FBXL17: variants seen among roughly 807,000 people sequenced by gnomAD.
The protein encoded by FBXL17 is F-box/LRR-repeat protein 17.
Under a neutral mutation model 66.2 loss-of-function variants are expected in FBXL17, and 22 were observed. The observed-to-expected ratio is 0.33, with a 90% CI of 0.24 to 0.47. FBXL17 has a LOEUF of 0.47. FBXL17 is among the 20% of genes least tolerant of loss of function. The pLI, the probability that FBXL17 is intolerant of heterozygous loss-of-function variation, is 1.00. For synonymous variants in FBXL17, 474 were observed against 400.5 expected (o/e 1.18, Z -2.19); for missense variants, 878 against 948.2 (o/e 0.93, Z 0.97).
intron 4 of FBXL17, among the ~76,000 whole-genome samples, chr5:108,270,284 GA>G (rs1263216362): frequency 6.6e-6 from 1 of 151,742 alleles, no homozygotes; most frequent in Non-Finnish European, 1.5e-5. Context: ...AAGTGAAGGC[GA>G]TCTCCCCTAC....
intron 7 of FBXL17, among the ~76,000 whole-genome samples, chr5:107,929,888 C>T (rs936161795): frequency 3.3e-5 from 5 of 152,164 alleles, no homozygotes; most frequent in African/African-American, 1.2e-4. Context: ...TATTTCCCTA[C>T]ACTTCTACAC....
At position 108,201,097 on chromosome 5, in the gene FBXL17, T is replaced by C. The variant is rs373495350; in HGVS notation, c.1615-14850A>G. On this transcript the variant is annotated intron_variant, in intron 5 of 8. Transcript: ENST00000542267. ...CTAACGATTAATAACAGGGAATTAC[T>C]ATGAAAATGAATTCCCTATATTTAA... 1.2e-4 allele frequency among the ~76,000 whole-genome samples: 19 copies of C among 152,326 alleles called. No homozygotes were observed. In the East Asian group the frequency reaches 1.5e-3, roughly 12 times the overall value.
chr5:108,370,560 T>G (rs144224287), intron 1 of FBXL17, among the ~76,000 whole-genome samples: 1 of 152,004 alleles, frequency 6.6e-6, no homozygotes, highest in Non-Finnish European at 1.5e-5. Flanking sequence ...CTGGCCAATA[T>G]GGTGAAATCC....
At chr5:108,088,861 T>G (rs1261034680) in intron 6 of FBXL17, among the ~76,000 whole-genome samples, 1 of 151,772 alleles carries the variant, frequency 6.6e-6, no homozygotes, top group Admixed American at 6.6e-5. Context: ...AATACACAGA[T>G]AAGCATAGTT....
intron 8 of FBXL17, among the ~76,000 whole-genome samples, chr5:107,874,605 C>G (rs951044873): frequency 6.6e-6 from 1 of 152,160 alleles, no homozygotes; most frequent in Non-Finnish European, 1.5e-5. Context: ...AGTGCTCAAC[C>G]ATTTCACCTC....
intron 4 of FBXL17, among the ~76,000 whole-genome samples, chr5:108,275,549 A>G (rs944560111): frequency 3.3e-5 from 5 of 152,210 alleles, no homozygotes; most frequent in African/African-American, 1.2e-4. Context: ...GCTATCAGAC[A>G]GAAGTGATGG....
At chr5:108,061,411 A>C (rs1747919345) in intron 6 of FBXL17, among the ~76,000 whole-genome samples, 2 of 152,198 alleles carry the variant, frequency 1.3e-5, no homozygotes, top group Non-Finnish European at 2.9e-5. Context: ...GAGAAGAGGA[A>C]GAGAAGAGAG....
chr5:108,133,647 G>T (rs1452042594), intron 6 of FBXL17, among the ~76,000 whole-genome samples: 2 of 151,716 alleles, frequency 1.3e-5, no homozygotes, highest in African/African-American at 4.8e-5. Flanking sequence ...GGGCTGAGAA[G>T]AAAGGAAGGA....
intron 6 of FBXL17, among the ~76,000 whole-genome samples, chr5:108,185,259 A>G (rs536945842): frequency 2.0e-4 from 31 of 152,262 alleles, no homozygotes; most frequent in African/African-American, 7.2e-4. Flanking sequence ...TCTCATGTCA[A>G]ATTGTAATCC....
intron 4 of FBXL17, among the ~76,000 whole-genome samples, chr5:108,263,831 G>C (rs1756933915): frequency 6.6e-6 from 1 of 152,138 alleles, no homozygotes; most frequent in Non-Finnish European, 1.5e-5. Flanking sequence ...CATGATATGG[G>C]AGAAAGAGAA....
At chr5:107,888,724 T>C (rs1336240616) in intron 7 of FBXL17, among the ~76,000 whole-genome samples, 2 of 152,010 alleles carry the variant, frequency 1.3e-5, no homozygotes, top group Non-Finnish European at 2.9e-5. Flanking sequence ...TGCTGTATAA[T>C]GTTTCATTCT....
At chr5:108,293,697 C>T (rs755053059) in intron 4 of FBXL17, among the ~76,000 whole-genome samples, 2 of 152,130 alleles carry the variant, frequency 1.3e-5, no homozygotes, top group Non-Finnish European at 2.9e-5. Context: ...AATTTTACCA[C>T]TGCAGAAATT....
intron 4 of FBXL17, among the ~76,000 whole-genome samples, chr5:108,335,286 T>C (rs1760326564): frequency 6.9e-6 from 1 of 145,752 alleles, no homozygotes; most frequent in Non-Finnish European, 1.5e-5. Flanking sequence ...ATAAGGAGAT[T>C]TGCCAAAAAG....
chr5:107,997,042 T>G (rs1210434012), intron 7 of FBXL17, among the ~76,000 whole-genome samples: 3 of 152,212 alleles, frequency 2.0e-5, no homozygotes, highest in Non-Finnish European at 4.4e-5. Flanking sequence ...GACTGGAAAC[T>G]GTCTCCTGGT....
At chr5:107,925,809 C>T (rs529428023) in intron 7 of FBXL17, among the ~76,000 whole-genome samples, 1 of 152,268 alleles carries the variant, frequency 6.6e-6, no homozygotes, top group South Asian at 2.1e-4. Flanking sequence ...AAACTACATA[C>T]ATTCAAATCC....
At chr5:108,007,343 G>A (rs1753967313) in intron 7 of FBXL17, among the ~76,000 whole-genome samples, 1 of 152,096 alleles carries the variant, frequency 6.6e-6, no homozygotes, top group Non-Finnish European at 1.5e-5. Context: ...CAGAAGCTCA[G>A]TTCAGAAAAT....
At chr5:107,906,976 G>A (rs972759922) in intron 7 of FBXL17, among the ~76,000 whole-genome samples, 1 of 152,156 alleles carries the variant, frequency 6.6e-6, no homozygotes, top group Non-Finnish European at 1.5e-5. Context: ...TGAAATGCAA[G>A]GGCAGACATT....
intron 7 of FBXL17, among the ~76,000 whole-genome samples, chr5:107,958,195 T>TG (rs1261354503): frequency 6.6e-6 from 1 of 151,958 alleles, no homozygotes; most frequent in Non-Finnish European, 1.5e-5. Flanking sequence ...GCCCAGGTTC[T>TG]GTCTTTATTT....
intron 5 of FBXL17, among the ~76,000 whole-genome samples, chr5:108,189,284 C>CACAGG: frequency 1.9e-5 from 2 of 104,994 alleles, no homozygotes; most frequent in Non-Finnish European, 3.7e-5. Flanking sequence ...TGGAAGAATT[C>CACAGG]ATAGGATGGG....
Sources: gnomAD v4.1 joint callset for allele counts (sites outside exome capture counted in the v4.1 genomes callset) on GRCh38, gnomAD v4.1.1 for gene constraint, MANE v1.5 for transcripts, NCBI Gene and HGNC (gene_info 2026-07-23, HGNC 2026-07-21) for gene names.